Variants in HECW2 observed in about 807,000 individuals in gnomAD.
HECW2 encodes the protein HECT, C2 and WW domain containing E3 ubiquitin protein ligase 2.
Under a neutral mutation model 175.2 loss-of-function variants are expected in HECW2, and 61 were observed. The observed-to-expected ratio is 0.35, with a 90% CI of 0.28 to 0.43. The LOEUF is 0.43. Among genes scored for constraint, HECW2 ranks in the 20% least tolerant of loss-of-function variants. The pLI, the probability that HECW2 is intolerant of heterozygous loss-of-function variation, is 1.00. For synonymous variants in HECW2, 671 were observed against 731.0 expected (o/e 0.92, Z 1.32); for missense variants, 1,524 against 2,000.5 (o/e 0.76, Z 4.54).
chr2:196,275,532 T>C (rs1689914873), intron 15 of HECW2, among the ~76,000 whole-genome samples: 2 of 152,098 alleles, frequency 1.3e-5, no homozygotes, highest in African/African-American at 4.8e-5. Context: ...GGCGGGCGGA[T>C]TACAAGGTCA....
At chr2:196,323,908 GTTTTTTGTTTGT>G (rs1692045423) in intron 6 of HECW2, among the ~76,000 whole-genome samples, 4 of 63,210 alleles carry the variant, frequency 6.3e-5, no homozygotes, top group African/African-American at 3.0e-4. Context: ...AGTTTTTTTT[GTTTTTTGTTTGT>G]TTTTTTTTTT....
intron 1 of HECW2, among the ~76,000 whole-genome samples, chr2:196,517,333 C>T (rs765240773): frequency 9.2e-5 from 14 of 152,182 alleles, no homozygotes; most frequent in Non-Finnish European, 1.9e-4. Context: ...AGAGAAGAAT[C>T]ATACCCTTTA....
At chr2:196,310,530 T>C (rs914023217) in intron 10 of HECW2, among the ~76,000 whole-genome samples, 1 of 152,230 alleles carries the variant, frequency 6.6e-6, no homozygotes, top group Admixed American at 6.5e-5. Context: ...TCAAAGTTAC[T>C]TTGCTGGGTA....
chr2:196,363,749 A>G (rs936493036), intron 2 of HECW2, among the ~76,000 whole-genome samples: 1 of 152,210 alleles, frequency 6.6e-6, no homozygotes, highest in African/African-American at 2.4e-5. Context: ...GCTTGAGCCC[A>G]GGAGTTTGAG....
At chr2:196,310,527 T>TA (rs1691454310) in intron 10 of HECW2, among the ~76,000 whole-genome samples, 1 of 152,358 alleles carries the variant, frequency 6.6e-6, no homozygotes, top group South Asian at 2.1e-4. Context: ...CTATCAAAGT[T>TA]ACTTTGCTGG....
chr2:196,276,375 G>A (rs1689956450), intron 15 of HECW2, among the ~76,000 whole-genome samples: 1 of 152,162 alleles, frequency 6.6e-6, no homozygotes, highest in Non-Finnish European at 1.5e-5. Context: ...CTCTCATAAA[G>A]GCTACTACTA....
intron 1 of HECW2, chr2:196,586,517 G>A (rs1399721635): frequency 6.6e-6 from 1 of 152,178 alleles, no homozygotes; most frequent in South Asian, 2.1e-4. Flanking sequence ...CAGACACAGG[G>A]GCCACAGTTT....
intron 1 of HECW2, among the ~76,000 whole-genome samples, chr2:196,443,079 C>T (rs573854258): frequency 2.0e-5 from 3 of 152,106 alleles, no homozygotes; most frequent in Non-Finnish European, 4.4e-5. Context: ...ACCTAAACAT[C>T]CGTCCTTTCT....
rs56242100 is a variant in HECW2 at position 196,400,820 on chromosome 2, C to CAA, written c.292+32310_292+32311dup. Among the ~76,000 whole-genome samples, 161 of 134,848 alleles carry CAA rather than the reference C, an allele frequency of 1.2e-3. 1 individual carries two copies. The highest frequency in any genetic ancestry group is 3.2e-3 in the African/African-American group (123 of 38,302). 88.5% of individuals were successfully genotyped at this position (134,848 alleles called of 152,430 possible). ...CACTAACCCCCATTCCCACAAAATG[C>CAA]AAAAAAAAAAAAAGAGCTAAAATAA... On this transcript the variant is annotated intron_variant, in intron 2 of 28. Transcript: ENST00000644978.
At chr2:196,434,673 A>G (rs1695818691) in intron 1 of HECW2, among the ~76,000 whole-genome samples, 1 of 152,148 alleles carries the variant, frequency 6.6e-6, no homozygotes, top group Admixed American at 6.5e-5. Context: ...AGAACTACAT[A>G]ATCCACTCAT....
intron 17 of HECW2, among the ~76,000 whole-genome samples, chr2:196,268,876 G>C (rs557112682): frequency 6.6e-6 from 1 of 152,312 alleles, no homozygotes; most frequent in South Asian, 2.1e-4. Flanking sequence ...TTAGATCACT[G>C]AGGGGCTTGT....
At chr2:196,490,323 G>A (rs1243422074) in intron 1 of HECW2, among the ~76,000 whole-genome samples, 1 of 151,754 alleles carries the variant, frequency 6.6e-6, no homozygotes, top group Non-Finnish European at 1.5e-5. Context: ...TCCCTTTTTT[G>A]TTTCATCTTT....
At chr2:196,259,242 G>C (rs1227564728) in intron 17 of HECW2, among the ~76,000 whole-genome samples, 1 of 152,106 alleles carries the variant, frequency 6.6e-6, no homozygotes, top group African/African-American at 2.4e-5. Flanking sequence ...TCAAATGCTG[G>C]GATTATAGGC....
At chr2:196,472,481 CAAAAA>C (rs538116476) in intron 1 of HECW2, among the ~76,000 whole-genome samples, 24 of 71,392 alleles carry the variant, frequency 3.4e-4, no homozygotes, top group African/African-American at 8.9e-4. Context: ...GAGACTCCGT[CAAAAA>C]AAAAAAAAAA....
intron 1 of HECW2, among the ~76,000 whole-genome samples, chr2:196,532,865 A>C (rs1323355202): frequency 3.9e-5 from 6 of 152,178 alleles, no homozygotes; most frequent in African/African-American, 1.4e-4. Flanking sequence ...GGACACATTA[A>C]TTTGGCATAA....
At chr2:196,413,370 G>A (rs1239793663) in intron 2 of HECW2, among the ~76,000 whole-genome samples, 1 of 150,914 alleles carries the variant, frequency 6.6e-6, no homozygotes, top group African/African-American at 2.4e-5. Context: ...TTTTGAGATT[G>A]AGTCTCACTC....
intron 1 of HECW2, among the ~76,000 whole-genome samples, chr2:196,435,160 C>G (rs1695833729): frequency 1.3e-5 from 2 of 152,182 alleles, no homozygotes; most frequent in Admixed American, 6.5e-5. Context: ...TAAAAATGAA[C>G]AGATAAGCTG....
intron 5 of HECW2, among the ~76,000 whole-genome samples, chr2:196,325,616 G>C (rs1365136536): frequency 1.3e-5 from 2 of 152,142 alleles, no homozygotes; most frequent in Non-Finnish European, 2.9e-5. Context: ...TGAAAAACAT[G>C]TTCCTTCATG....
chr2:196,216,335 C>T (rs1485219438), intron 27 of HECW2, among the ~76,000 whole-genome samples: 2 of 151,972 alleles, frequency 1.3e-5, no homozygotes, highest in African/African-American at 4.8e-5. Context: ...TGATCAATGT[C>T]GGGTGAATTT....
Sources: gnomAD v4.1 joint callset for allele counts (sites outside exome capture counted in the v4.1 genomes callset) on GRCh38, gnomAD v4.1.1 for gene constraint, MANE v1.5 for transcripts, NCBI Gene and HGNC (gene_info 2026-07-23, HGNC 2026-07-21) for gene names.